Variants in B3GALT1 observed in about 807,000 individuals in gnomAD.
The protein encoded by B3GALT1 is beta-1,3-galactosyltransferase 1.
A neutral mutation model predicts 23.2 loss-of-function variants in B3GALT1; 10 were observed. The observed-to-expected ratio is 0.43, with a 90% CI of 0.27 to 0.73. B3GALT1 has a LOEUF of 0.73. B3GALT1 is among the 30% of genes least tolerant of loss of function. The pLI is 0.21. For synonymous variants in B3GALT1, 156 were observed against 141.5 expected (o/e 1.10, Z -0.73); for missense variants, 299 against 405.4 (o/e 0.74, Z 2.25).
intron 2 of B3GALT1, among the ~76,000 whole-genome samples, chr2:167,494,755 T>C (rs1699754575): frequency 6.6e-6 from 1 of 152,244 alleles, no homozygotes; most frequent in African/African-American, 2.4e-5. Flanking sequence ...GAGATTTCTC[T>C]ACTTAATGAG....
intron 2 of B3GALT1, among the ~76,000 whole-genome samples, chr2:167,560,159 T>C (rs918544753): frequency 2.0e-5 from 3 of 152,120 alleles, no homozygotes; most frequent in Non-Finnish European, 4.4e-5. Context: ...TTCAACATTC[T>C]TGAAGAAAAG....
At chr2:167,513,065 C>A (rs1359018054) in intron 2 of B3GALT1, among the ~76,000 whole-genome samples, 1 of 127,526 alleles carries the variant, frequency 7.8e-6, no homozygotes, top group Non-Finnish European at 1.6e-5. Flanking sequence ...GGTATTCATG[C>A]CACAAAAAAA....
chr2:167,856,581 C>G (rs1262833636), intron 4 of B3GALT1, among the ~76,000 whole-genome samples: 1 of 152,056 alleles, frequency 6.6e-6, no homozygotes, highest in Non-Finnish European at 1.5e-5. Flanking sequence ...AGGGTGCAGT[C>G]AGAAGGAATC....
chr2:167,808,906 C>G (rs1688819684), intron 3 of B3GALT1, among the ~76,000 whole-genome samples: 1 of 152,220 alleles, frequency 6.6e-6, no homozygotes, highest in Non-Finnish European at 1.5e-5. Context: ...TTCTCTCCAT[C>G]ACTTTCAGGT....
At chr2:167,810,070 G>C (rs957808326) in intron 3 of B3GALT1, among the ~76,000 whole-genome samples, 1 of 151,516 alleles carries the variant, frequency 6.6e-6, no homozygotes, top group Non-Finnish European at 1.5e-5. Flanking sequence ...TGTGGGCGTA[G>C]GACCCCCTGA....
At chr2:167,787,953 TG>T (rs1688370854) in intron 3 of B3GALT1, among the ~76,000 whole-genome samples, 1 of 152,130 alleles carries the variant, frequency 6.6e-6, no homozygotes, top group Admixed American at 6.5e-5. Flanking sequence ...CTTCCAAAAA[TG>T]TTGATACCAG....
At chr2:167,456,143 A>G (rs1161703531) in intron 1 of B3GALT1, among the ~76,000 whole-genome samples, 2 of 152,216 alleles carry the variant, frequency 1.3e-5, no homozygotes, top group African/African-American at 2.4e-5. Flanking sequence ...ACATGGCACC[A>G]GCATCTGCTT....
intron 3 of B3GALT1, among the ~76,000 whole-genome samples, chr2:167,731,861 A>G (rs142486669): frequency 7.2e-5 from 11 of 152,274 alleles, no homozygotes; most frequent in African/African-American, 2.6e-4. Context: ...ATTTGTTTCC[A>G]GACCCCTCTT....
At chr2:167,655,430 A>T (rs1277742450) in intron 3 of B3GALT1, among the ~76,000 whole-genome samples, 1 of 152,198 alleles carries the variant, frequency 6.6e-6, no homozygotes, top group Admixed American at 6.5e-5. Context: ...AATAACACTG[A>T]CTAAATTTTA....
At chr2:167,357,276 G>A (rs1697431435) in intron 1 of B3GALT1, among the ~76,000 whole-genome samples, 4 of 151,702 alleles carry the variant, frequency 2.6e-5, no homozygotes, top group Admixed American at 6.6e-5. Context: ...AAATGTTTTC[G>A]AAGTAGAATT....
At chr2:167,600,637 G>A (rs1308240817) in intron 2 of B3GALT1, among the ~76,000 whole-genome samples, 1 of 152,128 alleles carries the variant, frequency 6.6e-6, no homozygotes, top group Non-Finnish European at 1.5e-5. Flanking sequence ...ACTATGTAAT[G>A]TGTGATCTTT....
intron 2 of B3GALT1, among the ~76,000 whole-genome samples, chr2:167,585,267 T>C (rs1416735749): frequency 6.6e-6 from 1 of 152,152 alleles, no homozygotes; most frequent in Non-Finnish European, 1.5e-5. Context: ...CAAACCGAAA[T>C]TGGGAGTTCA....
intron 2 of B3GALT1, among the ~76,000 whole-genome samples, chr2:167,495,326 C>CTTTTTTTTTTT (rs954749958): frequency 1.7e-5 from 1 of 57,882 alleles, no homozygotes; most frequent in Non-Finnish European, 3.1e-5. Flanking sequence ...GCTTGCTTGC[C>CTTTTTTTTTTT]TTTTTTTTTT....
At chr2:167,833,918 TAA>T (rs975448138) in intron 4 of B3GALT1, among the ~76,000 whole-genome samples, 1 of 152,184 alleles carries the variant, frequency 6.6e-6, no homozygotes, top group Non-Finnish European at 1.5e-5. Context: ...AAATTATCTC[TAA>T]GACTACTTCC....
chr2:167,868,406 G>T (rs151091356), intron 4 of B3GALT1, among the ~76,000 whole-genome samples: 1 of 151,380 alleles, frequency 6.6e-6, no homozygotes, highest in Non-Finnish European at 1.5e-5. Flanking sequence ...ACTCAGACTC[G>T]GAAACTGGAA....
At chr2:167,702,538 G>A (rs1276463212) in intron 3 of B3GALT1, among the ~76,000 whole-genome samples, 1 of 152,116 alleles carries the variant, frequency 6.6e-6, no homozygotes, top group African/African-American at 2.4e-5. Context: ...AAATGTTCCA[G>A]ATATTGATTT....
Position 167,678,022 on chromosome 2 carries a change from G to A in B3GALT1, c.-352+31056G>A, listed in dbSNP as rs150499881. 1.2e-4 allele frequency among the ~76,000 whole-genome samples: 19 copies of A among 152,146 alleles called. No individual in the cohort carries two copies. In the East Asian group the frequency reaches 3.3e-3, roughly 26 times the overall value. On this transcript the variant is annotated intron_variant, in intron 3 of 4. Transcript: ENST00000392690. ...AGGAGGTCCCTCCCCCAACACGTGC[G>A]GATTATAATTCAAATTACAATTCAA... is the stretch of plus-strand genomic sequence containing the variant.
At chr2:167,308,598 T>C (rs1696585185) in intron 1 of B3GALT1, among the ~76,000 whole-genome samples, 2 of 152,014 alleles carry the variant, frequency 1.3e-5, no homozygotes, top group African/African-American at 2.4e-5. Flanking sequence ...GAGATTTGGC[T>C]ACTACTATCT....
chr2:167,563,967 CCCTT>C (rs1283679196), intron 2 of B3GALT1, among the ~76,000 whole-genome samples: 1 of 138,700 alleles, frequency 7.2e-6, no homozygotes, highest in Non-Finnish European at 1.6e-5. Flanking sequence ...CCCCCCACCT[CCCTT>C]CCGGACGGGG....
Sources: gnomAD v4.1 joint callset for allele counts (sites outside exome capture counted in the v4.1 genomes callset) on GRCh38, gnomAD v4.1.1 for gene constraint, MANE v1.5 for transcripts, NCBI Gene and HGNC (gene_info 2026-07-23, HGNC 2026-07-21) for gene names.